The following KIAA1328 variants were observed in gnomAD, a reference collection of about 807,000 sequenced individuals.
KIAA1328 encodes protein hinderin.
In KIAA1328, 52 loss-of-function variants were observed where a neutral mutation model predicts 68.1. The observed-to-expected ratio is 0.76, with a 90% CI of 0.61 to 0.96. The LOEUF is 0.96. KIAA1328 is among the 40% of genes least tolerant of loss of function. KIAA1328 has a pLI of 0.00. For synonymous variants in KIAA1328, 232 were observed against 239.4 expected (o/e 0.97, Z 0.28); for missense variants, 641 against 677.6 (o/e 0.95, Z 0.60).
intron 4 of KIAA1328, among the ~76,000 whole-genome samples, chr18:36,855,234 T>C (rs2047344634): frequency 6.6e-6 from 1 of 152,162 alleles, no homozygotes; most frequent in African/African-American, 2.4e-5. Flanking sequence ...GCTGTGAAAA[T>C]GTTTTCTGCA....
chr18:37,151,033 A>G (rs1191535005), intron 7 of KIAA1328, among the ~76,000 whole-genome samples: 6 of 152,224 alleles, frequency 3.9e-5, no homozygotes, highest in Non-Finnish European at 4.4e-5. Flanking sequence ...GATTGTATAC[A>G]TGGAAAAATA....
chr18:37,136,875 C>G (rs1339157004), intron 7 of KIAA1328, among the ~76,000 whole-genome samples: 4 of 152,156 alleles, frequency 2.6e-5, no homozygotes, highest in Non-Finnish European at 5.9e-5. Context: ...TTCTCAAGGT[C>G]TTTGTAGGAT....
chr18:37,104,141 T>G (rs1455216981), intron 7 of KIAA1328, among the ~76,000 whole-genome samples: 2 of 152,146 alleles, frequency 1.3e-5, no homozygotes, highest in Non-Finnish European at 2.9e-5. Context: ...TAGAACTACA[T>G]TATGATCCAG....
At chr18:37,098,234 T>C (rs2057475760) in intron 7 of KIAA1328, among the ~76,000 whole-genome samples, 1 of 152,236 alleles carries the variant, frequency 6.6e-6, no homozygotes, top group Non-Finnish European at 1.5e-5. Context: ...TCTTATTATT[T>C]TGAGATATGT....
At chr18:36,978,281 G>C (rs1209132298) in intron 6 of KIAA1328, among the ~76,000 whole-genome samples, 1 of 152,044 alleles carries the variant, frequency 6.6e-6, no homozygotes, top group Non-Finnish European at 1.5e-5. Flanking sequence ...TTTCTGTTGG[G>C]GGCTGGTCAC....
At chr18:37,003,486 G>C (rs566628457) in intron 6 of KIAA1328, among the ~76,000 whole-genome samples, 1 of 152,162 alleles carries the variant, frequency 6.6e-6, no homozygotes, top group Non-Finnish European at 1.5e-5. Flanking sequence ...AAACATCTCC[G>C]CAGGAAAAAA....
At chr18:37,144,421 C>T (rs541508862) in intron 7 of KIAA1328, among the ~76,000 whole-genome samples, 43 of 151,834 alleles carry the variant, frequency 2.8e-4, no homozygotes, top group South Asian at 1.5e-3. Flanking sequence ...CTTCCTTCTC[C>T]TTACCTTATA....
chr18:36,830,157 T>G (rs946337099), intron 1 of KIAA1328, among the ~76,000 whole-genome samples: 1 of 152,196 alleles, frequency 6.6e-6, no homozygotes, highest in Non-Finnish European at 1.5e-5. Context: ...TCTTCTTAGC[T>G]CCCAGTGAAA....
chr18:37,108,977 G>A (rs1259648100), intron 7 of KIAA1328, among the ~76,000 whole-genome samples: 1 of 141,432 alleles, frequency 7.1e-6, no homozygotes, highest in Non-Finnish European at 1.5e-5. Flanking sequence ...CCCACCCTGT[G>A]TCCATGTGTT....
chr18:36,870,672 A>G (rs1193278842), intron 4 of KIAA1328, among the ~76,000 whole-genome samples: 2 of 152,202 alleles, frequency 1.3e-5, no homozygotes, highest in Admixed American at 6.5e-5. Context: ...CAGTGATCAA[A>G]ACTAAGAAAT....
chr18:36,945,763 T>C (rs1470237096), intron 5 of KIAA1328, among the ~76,000 whole-genome samples: 1 of 152,148 alleles, frequency 6.6e-6, no homozygotes, highest in African/African-American at 2.4e-5. Flanking sequence ...GGGTGGGTGA[T>C]ATAGAAGATG....
chr18:37,033,458 G>A (rs1164376616), intron 6 of KIAA1328, among the ~76,000 whole-genome samples: 1 of 152,182 alleles, frequency 6.6e-6, no homozygotes, highest in East Asian at 1.9e-4. Context: ...AGGCTAGTCT[G>A]TAGGGTAGTC....
intron 6 of KIAA1328, among the ~76,000 whole-genome samples, chr18:37,050,743 T>A (rs1041753549): frequency 2.0e-5 from 3 of 152,242 alleles, no homozygotes; most frequent in African/African-American, 7.2e-5. Flanking sequence ...TTTAAGTTAT[T>A]CAGCATGTGA....
Position 37,066,991 on chromosome 18 carries a change from A to G in KIAA1328, c.678A>G (p.Arg226=). The G allele has an allele frequency of 6.2e-7, 1 of 1,613,772 alleles. No homozygotes were observed. The highest frequency in any genetic ancestry group is 8.5e-7 in the Non-Finnish European group (1 of 1,179,796). Residue 226 remains arginine, a synonymous_variant, in exon 7 of 10, where the codon AGA becomes AGG. Transcript: ENST00000280020. ...AGACCTACTATCAAACCAAGCAAAG[A>G]CCTAAGTCTGCAGTCCAGGATTCAG... The part of the protein sequence containing the change: ...RPQTYYQTKQ[R]PKSAVQDSAS...
At chr18:36,902,778 A>C (rs1002246338) in intron 5 of KIAA1328, among the ~76,000 whole-genome samples, 1 of 152,050 alleles carries the variant, frequency 6.6e-6, no homozygotes, top group Non-Finnish European at 1.5e-5. Context: ...CAGCACCCTT[A>C]AATGCCTGAG....
At chr18:36,893,704 T>G (rs2048778440) in intron 5 of KIAA1328, among the ~76,000 whole-genome samples, 1 of 152,066 alleles carries the variant, frequency 6.6e-6, no homozygotes, top group Non-Finnish European at 1.5e-5. Context: ...TTAAAGCTCA[T>G]TGCAGATTAA....
intron 9 of KIAA1328, among the ~76,000 whole-genome samples, chr18:37,213,480 A>ATCC (rs938808234): frequency 5.3e-5 from 8 of 152,294 alleles, no homozygotes; most frequent in African/African-American, 1.9e-4. Flanking sequence ...AGATGAACTC[A>ATCC]TCCTTTTTTA....
intron 5 of KIAA1328, among the ~76,000 whole-genome samples, chr18:36,909,601 G>A (rs941198007): frequency 2.6e-5 from 4 of 152,188 alleles, no homozygotes; most frequent in Admixed American, 1.3e-4. Context: ...ACATATGTGT[G>A]CATGTGTCTT....
At chr18:37,212,385 G>A (rs1304354985) in intron 9 of KIAA1328, among the ~76,000 whole-genome samples, 1 of 152,148 alleles carries the variant, frequency 6.6e-6, no homozygotes, top group Non-Finnish European at 1.5e-5. Flanking sequence ...TTCCATGCCT[G>A]AGAAAGTAGT....
Sources: allele counts gnomAD v4.1 joint callset (sites outside exome capture counted in the v4.1 genomes callset), GRCh38; gene constraint gnomAD v4.1.1; transcripts MANE v1.5; gene names NCBI Gene and HGNC (gene_info 2026-07-23, HGNC 2026-07-21).